LCORL: variants seen among roughly 807,000 people sequenced by gnomAD.
LCORL encodes ligand-dependent nuclear receptor corepressor-like protein.
A neutral mutation model predicts 141.8 loss-of-function variants in LCORL; 41 were observed. The ratio of observed to expected loss-of-function variants is 0.29; its 90% CI spans 0.23 to 0.38. LCORL has a LOEUF of 0.38. Among genes scored for constraint, LCORL ranks in the 10% least tolerant of loss-of-function variants. LCORL has a pLI of 1.00. For synonymous variants in LCORL, 618 were observed against 694.1 expected (o/e 0.89, Z 1.72); for missense variants, 1,759 against 2,035.0 (o/e 0.86, Z 2.61).
At chr4:17,845,976 T>C (rs1722881628) in intron 7 of LCORL, 75 bp from the exon 8 acceptor site, 1 of 1,218,064 alleles carries the variant, frequency 8.2e-7, no homozygotes, top group South Asian at 1.4e-5. Context: ...AAAGAACATT[T>C]AGTTGTAGTA....
In LCORL at chr4:17,872,457, C is replaced by T. The variant is rs183736902; in HGVS notation, c.5602+931G>A. Among the ~76,000 whole-genome samples, 16 of 152,118 alleles carry T rather than the reference C, an allele frequency of 1.1e-4. No homozygotes were observed. The East Asian group carries it at 2.9e-3, about 28-fold the overall frequency. On this transcript the variant is annotated intron_variant, in intron 7 of 7. Transcript: ENST00000635767. ...CAACAACAAAAAAACACAAACAAATCTCATAGCGCTTTAAGAAAGTTTACA... is the reference window on the plus strand; with the variant it reads ...CAACAACAAAAAAACACAAACAAATTTCATAGCGCTTTAAGAAAGTTTACA...
exon 5 of LCORL, chr4:17,909,150 T>C (rs1340832697): frequency 2.5e-6 from 4 of 1,613,252 alleles, no homozygotes; most frequent in Non-Finnish European, 3.4e-6. Context: ...GGGGCCTTCC[T>C]GCTCTTCCTG....
intron 5 of LCORL, among the ~76,000 whole-genome samples, chr4:17,894,426 G>C (rs1469239293): frequency 3.9e-5 from 6 of 152,096 alleles, no homozygotes; most frequent in African/African-American, 1.2e-4. Flanking sequence ...TATGTGGGCT[G>C]TATCTACTGA....
At chr4:17,886,586 G>A (rs1304165011) in intron 5 of LCORL, among the ~76,000 whole-genome samples, 4 of 151,944 alleles carry the variant, frequency 2.6e-5, no homozygotes, top group Admixed American at 2.6e-4. Flanking sequence ...TAAGAGAATT[G>A]AATAATTAGC....
At chr4:17,892,097 T>C (rs1204768131) in intron 5 of LCORL, among the ~76,000 whole-genome samples, 2 of 152,218 alleles carry the variant, frequency 1.3e-5, no homozygotes, top group African/African-American at 2.4e-5. Context: ...TGTTTAACTA[T>C]GGCGTTTCAG....
intron 1 of LCORL, among the ~76,000 whole-genome samples, chr4:17,981,255 T>C (rs979615851): frequency 6.6e-6 from 1 of 152,130 alleles, no homozygotes; most frequent in Non-Finnish European, 1.5e-5. Flanking sequence ...AGTATGAATA[T>C]TTTAAACTTT....
chr4:17,864,094 G>A lies in LCORL; in HGVS notation c.5602+9294C>T, dbSNP rs1020357234. Among the ~76,000 whole-genome samples, 8 of 152,050 alleles carry A rather than the reference G, an allele frequency of 5.3e-5. No homozygotes were observed. The South Asian group carries it at 8.3e-4, about 16-fold the overall frequency. ...GAAATAATCTATACAACAAATCCCC[G>A]TGCCATGCTGCATATGTACCCCTGA... On this transcript the variant is annotated intron_variant, in intron 7 of 7. Coordinates refer to ENST00000635767, the Ensembl canonical transcript of LCORL.
chr4:17,885,796 G>A (rs575644163), intron 6 of LCORL, among the ~76,000 whole-genome samples: 11 of 151,680 alleles, frequency 7.3e-5, no homozygotes, highest in Admixed American at 3.3e-4. Flanking sequence ...TCTCTTACTC[G>A]TCCTGCTTCT....
chr4:17,976,895 T>C (rs1213522528), intron 1 of LCORL, among the ~76,000 whole-genome samples: 1 of 152,180 alleles, frequency 6.6e-6, no homozygotes, highest in African/African-American at 2.4e-5. Flanking sequence ...ATTTTCTTTT[T>C]ACCATTGATT....
intron 6 of LCORL, chr4:17,881,203 A>G: frequency 1.0e-6 from 1 of 982,012 alleles, no homozygotes; most frequent in Non-Finnish European, 1.2e-6. Flanking sequence ...TCAAATAAGT[A>G]GAAAGCACAT....
intron 4 of LCORL, among the ~76,000 whole-genome samples, chr4:17,923,526 A>T (rs1214689467): frequency 6.6e-6 from 1 of 152,092 alleles, no homozygotes; most frequent in Non-Finnish European, 1.5e-5. Context: ...GGTGCCTTTA[A>T]TCCCAGCTAC....
chr4:17,899,445 T>C (rs1302531005), intron 5 of LCORL, among the ~76,000 whole-genome samples: 1 of 152,054 alleles, frequency 6.6e-6, no homozygotes, highest in African/African-American at 2.4e-5. Context: ...GCTTGGCAAG[T>C]GTCAGACATA....
intron 4 of LCORL, chr4:17,912,368 A>G: frequency 6.1e-6 from 4 of 658,326 alleles, no homozygotes; most frequent in Middle Eastern, 7.8e-4. Flanking sequence ...AAAGGCCTAC[A>G]AGCCCAGATT....
At chr4:17,913,009 G>C in intron 4 of LCORL, 1 of 283,502 alleles carries the variant, frequency 3.5e-6, no homozygotes, top group Non-Finnish European at 6.9e-6. Flanking sequence ...CTCTGGGGAG[G>C]AGGAGGCCAA....
chr4:17,957,428 G>C (rs751552924), intron 4 of LCORL, among the ~76,000 whole-genome samples: 1 of 151,938 alleles, frequency 6.6e-6, no homozygotes, highest in Non-Finnish European at 1.5e-5. Context: ...TCAGAGAAGA[G>C]ACTGAGGGAT....
At chr4:17,873,389 T>C (rs1406451636) in exon 7 of LCORL, 2 of 1,233,242 alleles carry the variant, frequency 1.6e-6, no homozygotes, top group East Asian at 6.3e-5. Flanking sequence ...AGAACTTACC[T>C]AGGGATTTGG....
At chr4:17,915,494 T>C (rs1038882187) in intron 4 of LCORL, among the ~76,000 whole-genome samples, 2 of 152,170 alleles carry the variant, frequency 1.3e-5, no homozygotes, top group Admixed American at 1.3e-4. Context: ...AGTGGGATGC[T>C]GCTGTAATAA....
Position 17,950,434 on chromosome 4 carries a change from C to T in LCORL, c.430+11469G>A, listed in dbSNP as rs948702144. Among the ~76,000 whole-genome samples the T allele has an allele frequency of 4.6e-5, 7 of 152,136 alleles. No homozygotes were observed. In the East Asian group the frequency reaches 1.2e-3, roughly 25 times the overall value. On this transcript the variant is annotated intron_variant, in intron 4 of 7. Coordinates refer to ENST00000635767, the Ensembl canonical transcript of LCORL. ...GCCTATAGACAAAGGACATATCACG[C>T]TTCAAGCATATTGATGATGAATATC...
At chr4:17,972,832 T>A (rs773297611) in exon 2 of LCORL, 2 of 1,432,446 alleles carry the variant, frequency 1.4e-6, no homozygotes, top group Non-Finnish European at 1.8e-6. Flanking sequence ...TCAAATAAAC[T>A]GAGGTCTCTT....
Sources: allele counts gnomAD v4.1 joint callset (sites outside exome capture counted in the v4.1 genomes callset), GRCh38; gene constraint gnomAD v4.1.1; transcripts MANE v1.5; gene names NCBI Gene and HGNC (gene_info 2026-07-23, HGNC 2026-07-21).